The following KLHL29 variants were observed in gnomAD, a reference collection of about 807,000 sequenced individuals.
The protein encoded by KLHL29 is kelch-like protein 29.
Under a neutral mutation model 80.4 loss-of-function variants are expected in KLHL29, and 21 were observed. That is an observed-to-expected ratio of 0.26 (90% confidence interval 0.19 to 0.38). The LOEUF is 0.38. Among genes scored for constraint, KLHL29 ranks in the 10% least tolerant of loss-of-function variants. The pLI, the probability that KLHL29 is intolerant of heterozygous loss-of-function variation, is 1.00. For missense variants in KLHL29, 867 were observed against 1,223.9 expected (o/e 0.71, Z 4.35); for synonymous variants, 511 against 526.8 (o/e 0.97, Z 0.41).
chr2:23,539,430 T>G (rs1666768518), intron 2 of KLHL29, among the ~76,000 whole-genome samples: 1 of 55,454 alleles, frequency 1.8e-5, no homozygotes. Flanking sequence ...TTATCCTGCC[T>G]CCTTTTTTTT....
intron 2 of KLHL29, among the ~76,000 whole-genome samples, chr2:23,546,470 G>A (rs955357573): frequency 6.6e-6 from 1 of 152,050 alleles, no homozygotes; most frequent in African/African-American, 2.4e-5. Flanking sequence ...CTGTTGTTTT[G>A]GGGCCTCAGG....
intron 3 of KLHL29, among the ~76,000 whole-genome samples, chr2:23,637,262 C>T (rs1233877082): frequency 6.6e-6 from 1 of 152,210 alleles, no homozygotes; most frequent in Non-Finnish European, 1.5e-5. Flanking sequence ...CCTGGAAATA[C>T]AGCGAAGGCT....
Position 23,445,246 on chromosome 2 carries a change from A to G in KLHL29, c.-153-30314A>G, listed in dbSNP as rs552453761. Reference sequence around the variant, plus strand: ...ATTCCATTCCTGTCTTTTCTGCTCCATTCTCCTATATAGATAACCATTTTG... The same window carrying G: ...ATTCCATTCCTGTCTTTTCTGCTCCGTTCTCCTATATAGATAACCATTTTG... On this transcript the variant is annotated intron_variant, in intron 1 of 13. Transcript: ENST00000486442. Among the ~76,000 whole-genome samples, 3 of 152,318 alleles carry G rather than the reference A, an allele frequency of 2.0e-5. No individual in the cohort carries two copies. The South Asian group carries it at 6.2e-4, about 32-fold the overall frequency.
intron 2 of KLHL29, among the ~76,000 whole-genome samples, chr2:23,541,096 T>G (rs72793544): frequency 0.079 from 12,005 of 152,308 alleles, 550 homozygotes; most frequent in South Asian, 0.13. Context: ...AAGGAGGGAA[T>G]GGATCAGACA....
At chr2:23,424,186 GCATCA>G (rs1662940773) in intron 1 of KLHL29, among the ~76,000 whole-genome samples, 1 of 152,202 alleles carries the variant, frequency 6.6e-6, no homozygotes, top group Non-Finnish European at 1.5e-5. Context: ...GGTGGGAAAT[GCATCA>G]GATTTAAATT....
intron 1 of KLHL29, among the ~76,000 whole-genome samples, chr2:23,397,828 G>A (rs975176343): frequency 2.0e-5 from 3 of 152,172 alleles, no homozygotes; most frequent in Non-Finnish European, 4.4e-5. Context: ...TCCAGAGAAG[G>A]TATACCAATG....
intron 2 of KLHL29, among the ~76,000 whole-genome samples, chr2:23,555,132 T>G (rs34600634): frequency 1.0e-5 from 1 of 99,036 alleles, no homozygotes; most frequent in African/African-American, 5.7e-5. Context: ...CCCCCCCCCC[T>G]CAACTTGTGT....
rs1257397651 is a variant in KLHL29 at position 23,682,682 on chromosome 2, AC to A, written c.941-1714del. The stretch of plus-strand genomic sequence containing the variant: ...CCCTCGTGCTCCTGCACCCTCCCAC[AC>A]CCTCCCGCACCCTCCCGCGCCCTCC... On this transcript the variant is annotated intron_variant, in intron 5 of 13. Transcript: ENST00000486442. The surrounding 1 kb of genome is among the most constrained non-coding windows in gnomAD (Gnocchi z 4.1). Among the ~76,000 whole-genome samples, 2 of 144,412 alleles carry A rather than the reference AC, an allele frequency of 1.4e-5. No homozygotes were observed. The highest frequency in any genetic ancestry group is 5.2e-5 in the African/African-American group (2 of 38,458). The allele number at this position is 144,412 out of a possible 152,430, so 94.7% of individuals were successfully genotyped here.
intron 1 of KLHL29, among the ~76,000 whole-genome samples, chr2:23,437,088 C>T (rs575208690): frequency 2.0e-5 from 3 of 152,172 alleles, no homozygotes; most frequent in African/African-American, 4.8e-5. Flanking sequence ...GCTGGGCCAC[C>T]GGCTTGATTG....
At position 23,684,432 on chromosome 2, in the gene KLHL29, C is replaced by G; in HGVS notation, c.974C>G (p.Ala325Gly). 1 of 1,549,342 alleles carries G rather than the reference C, an allele frequency of 6.5e-7. No individual in the cohort carries two copies. Among genetic ancestry groups the G allele is most frequent in the Non-Finnish European group, 8.7e-7 (1 of 1,146,268 alleles). The change falls in exon 6 of 14, where the codon GCG becomes GGG. Residue 325 changes from alanine to glycine, a missense_variant. By Grantham distance (60) the Ala-to-Gly change is moderately conservative. Transcript: ENST00000486442. The surrounding 1 kb of genome is among the most constrained non-coding windows in gnomAD (Gnocchi z 4.4). ...MLKELNQQRRAKAFTDLKIVV... is the reference protein window; with the variant it reads ...MLKELNQQRRGKAFTDLKIVV... ...AAGGAATTGAACCAGCAACGCAGAG[C>G]GAAAGCGTTTACAGACCTGAAAATT... is the stretch of plus-strand genomic sequence containing the variant.
At chr2:23,402,262 A>G (rs1002665793) in intron 1 of KLHL29, among the ~76,000 whole-genome samples, 1 of 152,188 alleles carries the variant, frequency 6.6e-6, no homozygotes, top group Non-Finnish European at 1.5e-5. Flanking sequence ...TCACCCTCTC[A>G]GTGTTGACTA....
intron 5 of KLHL29, among the ~76,000 whole-genome samples, chr2:23,646,599 A>G (rs1669940557): frequency 6.6e-6 from 1 of 152,168 alleles, no homozygotes; most frequent in Non-Finnish European, 1.5e-5. Context: ...GGATCCATCT[A>G]CAGGCTTGTC....
At chr2:23,565,524 A>T (rs1212861406) in intron 3 of KLHL29, among the ~76,000 whole-genome samples, 5 of 152,148 alleles carry the variant, frequency 3.3e-5, no homozygotes. Context: ...GCTGGGGGGA[A>T]GAGGCCGTCT....
chr2:23,443,211 A>T (rs927749068), intron 1 of KLHL29, among the ~76,000 whole-genome samples: 2 of 152,116 alleles, frequency 1.3e-5, no homozygotes, highest in African/African-American at 4.8e-5. Context: ...ATCTATGTAT[A>T]TTTTTTGCTG....
In KLHL29 at chr2:23,682,966, C is replaced by T. The variant is rs187764246; in HGVS notation, c.941-1433C>T. Among the ~76,000 whole-genome samples, 1 of 152,312 alleles carries T rather than the reference C, an allele frequency of 6.6e-6. No individual in the cohort carries two copies. The highest frequency in any genetic ancestry group is 2.4e-5 in the African/African-American group (1 of 41,572). On this transcript the variant is annotated intron_variant, in intron 5 of 13. Transcript: ENST00000486442. The surrounding 1 kb of genome is among the most constrained non-coding windows in gnomAD (Gnocchi z 4.1). The stretch of plus-strand genomic sequence containing the variant: ...ATGCATGTGGCGTGTTCTCCAGGAG[C>T]CCCTCCCACCGTCTTCCTTGGTCTT...
chr2:23,612,729 G>A (rs754457594), intron 3 of KLHL29, among the ~76,000 whole-genome samples: 3 of 152,066 alleles, frequency 2.0e-5, no homozygotes, highest in African/African-American at 7.2e-5. Context: ...GCAACAGAGC[G>A]AGTCTCAATC....
chr2:23,692,015 C>T (rs767341384), intron 7 of KLHL29, 139 bp downstream of exon 7: 2 of 779,994 alleles, frequency 2.6e-6, no homozygotes, highest in Non-Finnish European at 4.1e-6. Flanking sequence ...TTTGGCAGGG[C>T]TGTTTTAAGA....
chr2:23,593,621 C>G (rs577598225), intron 3 of KLHL29, among the ~76,000 whole-genome samples: 3 of 152,324 alleles, frequency 2.0e-5, no homozygotes, highest in African/African-American at 7.2e-5. Context: ...GGAAGGACGT[C>G]AGACCCCTCG....
At chr2:23,465,358 C>T (rs1558348138) in intron 1 of KLHL29, among the ~76,000 whole-genome samples, 1 of 152,238 alleles carries the variant, frequency 6.6e-6, no homozygotes, top group Admixed American at 6.5e-5. Flanking sequence ...CACCTGCTCA[C>T]GCCTCTCACC....
Sources: gnomAD v4.1 joint callset for allele counts (sites outside exome capture counted in the v4.1 genomes callset) on GRCh38, gnomAD v4.1.1 for gene constraint, Gnocchi (gnomAD v3.1) non-coding constraint, MANE v1.5 for transcripts, NCBI Gene and HGNC (gene_info 2026-07-23, HGNC 2026-07-21) for gene names.